LRIF1: variants seen among roughly 807,000 people sequenced by gnomAD.
LRIF1 encodes ligand dependent nuclear receptor interacting factor 1.
Under a neutral mutation model 52.7 loss-of-function variants are expected in LRIF1, and 32 were observed. The observed-to-expected ratio is 0.61, with a 90% confidence interval of 0.46 to 0.82. LRIF1 has a LOEUF of 0.82. Among genes scored for constraint, LRIF1 ranks in the 40% least tolerant of loss-of-function variants. LRIF1 has a pLI of 0.00. For synonymous variants in LRIF1, 323 were observed against 317.4 expected (o/e 1.02, Z -0.19); for missense variants, 887 against 892.0 (o/e 0.99, Z 0.07).
the LRIF1 span, among the ~76,000 whole-genome samples, chr1:110,883,793 C>G: frequency 6.6e-6 from 1 of 151,874 alleles, no homozygotes; most frequent in East Asian, 1.9e-4. Context: ...TCAGTGAATT[C>G]ATCTATTTCA....
chr1:110,916,418 T>C, the LRIF1 span, among the ~76,000 whole-genome samples: 5 of 152,168 alleles, frequency 3.3e-5, no homozygotes, highest in East Asian at 7.7e-4. Context: ...TGTGGTTACA[T>C]GAACTAATCA....
chr1:110,920,193 G>C, the LRIF1 span, among the ~76,000 whole-genome samples: 1 of 152,238 alleles, frequency 6.6e-6, no homozygotes, highest in Admixed American at 6.5e-5. Context: ...TCTCTTTGGT[G>C]TTTACCCAAA....
At chr1:110,946,669 T>C (rs1658213907), downstream of LRIF1, among the ~76,000 whole-genome samples, 1 of 146,116 alleles carries the variant, frequency 6.8e-6, no homozygotes, top group Non-Finnish European at 1.5e-5. Flanking sequence ...TTTTTTTTTT[T>C]TTTTTGAGAC....
chr1:110,963,705 G>A lies in LRIF1; in HGVS notation c.-17C>T, dbSNP rs1212378023. The A allele has an allele frequency of 1.9e-6, 3 of 1,590,854 alleles. No individual in the cohort carries two copies. Among genetic ancestry groups the A allele is most frequent in the Non-Finnish European group, 1.7e-6 (2 of 1,162,166 alleles). ...ATTTGACATTTTAGTGGGGAGAAAG[G>A]GGACACCTCATCCAGAAAAGTGGGA... On this transcript the variant is annotated 5_prime_UTR_variant, in exon 1 of 4. Coordinates refer to ENST00000369763, the MANE Select transcript of LRIF1 (RefSeq NM_018372.4).
In LRIF1 at chr1:110,948,076, C is replaced by T; in HGVS notation, c.2193G>A (p.Val731=). The change falls in exon 4 of 4, where the codon GTG becomes GTA. Residue 731 remains valine (V), a synonymous_variant. Transcript: ENST00000369763. ...TGGTTTCTTCTAACTCCGGTGGTGT[C>T]ACTGGGAAAATATCTTCGGTATAAT... The part of the protein sequence containing the change: ...NKNYTEDIFP[V]TPPELEETIR... 6.2e-7 allele frequency: 1 copy of T among 1,614,012 alleles called. No homozygotes were observed. Among genetic ancestry groups the T allele is most frequent in the Non-Finnish European group, 8.5e-7 (1 of 1,179,988 alleles).
At chr1:110,890,529 T>G in the LRIF1 span, among the ~76,000 whole-genome samples, 1 of 151,660 alleles carries the variant, frequency 6.6e-6, no homozygotes, top group Admixed American at 6.6e-5. Flanking sequence ...ATTGTGCCAC[T>G]GCACTCCAGC....
chr1:110,941,201 G>A, the LRIF1 span: 3 of 152,020 alleles, frequency 2.0e-5, no homozygotes, highest in Admixed American at 6.5e-5. Flanking sequence ...TTACTCTGAA[G>A]TTTCACTGCT....
At chr1:110,949,058 C>T (rs1170531892) in intron 3 of LRIF1, among the ~76,000 whole-genome samples, 1 of 151,836 alleles carries the variant, frequency 6.6e-6, no homozygotes, top group Non-Finnish European at 1.5e-5. Flanking sequence ...TAAAACATAT[C>T]TTTAACTGGG....
the LRIF1 span, among the ~76,000 whole-genome samples, chr1:110,914,688 G>C: frequency 6.6e-6 from 1 of 152,116 alleles, no homozygotes; most frequent in Non-Finnish European, 1.5e-5. Flanking sequence ...AGGAGGCAGA[G>C]GTTGCAGTGA....
chr1:110,889,785 G>A, the LRIF1 span, among the ~76,000 whole-genome samples: 1 of 152,036 alleles, frequency 6.6e-6, no homozygotes, highest in African/African-American at 2.4e-5. Context: ...ATATGTAAGA[G>A]GAAAATTCAA....
chr1:110,951,978 T>C lies in LRIF1; in HGVS notation c.906A>G (p.Pro302=), dbSNP rs745922375. Residue 302 remains proline (P), a synonymous_variant, in exon 2 of 4, where the codon CCA becomes CCG. Transcript: ENST00000369763. ...TTGAAGACTTAACAGGAACAAGAGATGGCGTAAAAGGCTGTAGATTATCTT... is the reference window on the plus strand; with the variant it reads ...TTGAAGACTTAACAGGAACAAGAGACGGCGTAAAAGGCTGTAGATTATCTT... ...IFQDNLQPFT[P]SLVPVKSSNN... is the part of the protein sequence containing the mutation. 1 of 1,614,176 alleles carries C rather than the reference T, an allele frequency of 6.2e-7. No homozygotes were observed. The highest frequency in any genetic ancestry group is 1.7e-5 in the Admixed American group (1 of 60,026).
chr1:110,914,745 T>C, the LRIF1 span, among the ~76,000 whole-genome samples: 55 of 152,218 alleles, frequency 3.6e-4, no homozygotes, highest in African/African-American at 1.2e-3. Context: ...ACAGCCAGAA[T>C]CCGTCTCTAA....
chr1:110,931,491 T>C, the LRIF1 span, among the ~76,000 whole-genome samples: 1 of 152,212 alleles, frequency 6.6e-6, no homozygotes, highest in South Asian at 2.1e-4. Context: ...ATCCTTTGGG[T>C]ATATACCCAG....
chr1:110,896,229 C>G, the LRIF1 span, among the ~76,000 whole-genome samples: 1 of 152,198 alleles, frequency 6.6e-6, no homozygotes, highest in East Asian at 1.9e-4. Flanking sequence ...GCCCCATGAA[C>G]TTAAAAGTTT....
chr1:110,898,651 G>A, the LRIF1 span, among the ~76,000 whole-genome samples: 4 of 151,452 alleles, frequency 2.6e-5, no homozygotes, highest in African/African-American at 4.9e-5. Flanking sequence ...GTAGTTTTTT[G>A]TCCTTTTTAA....
the LRIF1 span, among the ~76,000 whole-genome samples, chr1:110,926,877 A>G: frequency 2.0e-5 from 3 of 152,304 alleles, no homozygotes; most frequent in Admixed American, 6.5e-5. Flanking sequence ...AGCTATTGTA[A>G]TTAAGACATA....
Position 110,952,291 on chromosome 1 carries a change from G to C in LRIF1, c.593C>G (p.Ala198Gly), listed in dbSNP as rs773742909. The C allele has an allele frequency of 6.2e-7, 1 of 1,614,044 alleles. No homozygotes were observed. Among genetic ancestry groups the C allele is most frequent in the African/African-American group, 1.3e-5 (1 of 74,928 alleles). The part of the protein sequence containing the change: ...PAHAEVKSVP[A>G]SSLPPSVQQK... ...CTGCACTGAAGGAGGCAATGATGAC[G>C]CTGGTACAGATTTCACTTCAGCATG... Residue 198 changes from alanine to glycine, a missense_variant, in exon 2 of 4, where the codon GCG (alanine) becomes GGG (glycine). Transcript: ENST00000369763.
At chr1:110,898,152 C>G in the LRIF1 span, among the ~76,000 whole-genome samples, 1 of 152,112 alleles carries the variant, frequency 6.6e-6, no homozygotes, top group South Asian at 2.1e-4. Flanking sequence ...CTGAGGCAGG[C>G]AGATCACGAG....
At chr1:110,913,457 G>A in the LRIF1 span, among the ~76,000 whole-genome samples, 1 of 152,072 alleles carries the variant, frequency 6.6e-6, no homozygotes, top group Admixed American at 6.5e-5. Flanking sequence ...AAATTAACAA[G>A]GAGAAAACAA....
Sources: gnomAD v4.1 joint callset for allele counts (sites outside exome capture counted in the v4.1 genomes callset) on GRCh38, gnomAD v4.1.1 for gene constraint, MANE v1.5 for transcripts, NCBI Gene and HGNC (gene_info 2026-07-23, HGNC 2026-07-21) for gene names.